MS4A13: variants seen among roughly 807,000 people sequenced by gnomAD.
The protein encoded by MS4A13 is membrane spanning 4-domains A13.
Under a neutral mutation model 18.4 loss-of-function variants are expected in MS4A13, and 21 were observed. That is an observed-to-expected ratio of 1.14 (90% CI 0.81 to 1.64). MS4A13 has a LOEUF of 1.64. Among genes scored for constraint, MS4A13 ranks in the 40% most tolerant of loss-of-function variants. The probability of loss-of-function intolerance (pLI) is 0.00; values close to 1 mark genes in which losing one functional copy is unlikely to be tolerated. For synonymous variants in MS4A13, 62 were observed against 57.2 expected (o/e 1.08, Z -0.38); for missense variants, 173 against 176.8 (o/e 0.98, Z 0.12).
In MS4A13 at chr11:60,542,666, C is replaced by T. The variant is rs966372399; in HGVS notation, c.*91C>T. 3 of 713,396 alleles carry T rather than the reference C, an allele frequency of 4.2e-6. No homozygotes were observed. The highest frequency in any genetic ancestry group is 6.7e-6 in the Non-Finnish European group (3 of 444,780). The allele number at this position is 713,396 out of a possible 1,614,324, so 44.2% of individuals were successfully genotyped here. Reference sequence around the variant, plus strand: ...TATAACAAAGCAGTTACGAAGCCTACAGATTTTGTGCAAAATAAAATACAA... The same window carrying T: ...TATAACAAAGCAGTTACGAAGCCTATAGATTTTGTGCAAAATAAAATACAA... On this transcript the variant is annotated 3_prime_UTR_variant, in exon 7 of 7. Transcript: ENST00000378186.
At chr11:60,538,177 T>TTAAAAAAAAAAAAAAAA (rs60140970) in intron 6 of MS4A13, among the ~76,000 whole-genome samples, 45 of 75,062 alleles carry the variant, frequency 6.0e-4, no homozygotes, top group Non-Finnish European at 6.8e-4. Context: ...TAAAGTATAA[T>TTAAAAAAAAAAAAAAAA]AAAAAAAAAA....
chr11:60,529,583 T>A, intron 6 of MS4A13, 123 bp downstream of exon 6: 1 of 443,576 alleles, frequency 2.3e-6, no homozygotes, highest in Non-Finnish European at 3.9e-6. Flanking sequence ...ATGTGTGATA[T>A]TGCCTTTATT....
chr11:60,527,410 C>CTCTCTCTCTCTCTGTGTGTGTG (rs1555024373), intron 5 of MS4A13, among the ~76,000 whole-genome samples: 1 of 28,806 alleles, frequency 3.5e-5, no homozygotes, highest in African/African-American at 1.6e-4. Flanking sequence ...CTCTCTCTCT[C>CTCTCTCTCTCTCTGTGTGTGTG]TGTGTGTGTG....
At chr11:60,538,177 T>TAAAAAAAAAAA in intron 6 of MS4A13, among the ~76,000 whole-genome samples, 1 of 75,132 alleles carries the variant, frequency 1.3e-5, no homozygotes. Context: ...TAAAGTATAA[T>TAAAAAAAAAAA]AAAAAAAAAA....
At chr11:60,533,268 C>A (rs1490540389) in intron 6 of MS4A13, among the ~76,000 whole-genome samples, 1 of 63,676 alleles carries the variant, frequency 1.6e-5, no homozygotes, top group African/African-American at 5.2e-5. Flanking sequence ...AAGTTGAAAA[C>A]TTCGAAAAAA....
intron 3 of MS4A13, among the ~76,000 whole-genome samples, chr11:60,519,807 T>C (rs1380944605): frequency 6.6e-6 from 1 of 152,114 alleles, no homozygotes; most frequent in Non-Finnish European, 1.5e-5. Context: ...AAGTTAGTGA[T>C]GGAAAGAAGA....
At chr11:60,528,276 C>T (rs1389673203) in intron 5 of MS4A13, among the ~76,000 whole-genome samples, 1 of 152,146 alleles carries the variant, frequency 6.6e-6, no homozygotes, top group Non-Finnish European at 1.5e-5. Context: ...AGGAAACAAG[C>T]AAATAAAAAT....
rs1402742805 is a variant in MS4A13, at chr11:60,522,234, A to ATATATCTATATATC, written c.130-1663_130-1662insTATATCTATATATC. On this transcript the variant is annotated intron_variant, in intron 3 of 6. Coordinates refer to ENST00000378186, the MANE Select transcript of MS4A13 (RefSeq NM_001012417.3). ...TAGATAGATAGATAGATAGATAGAT[A>ATATATCTATATATC]GATAGATGTATATATATAGATATAT... Among the ~76,000 whole-genome samples, 5 of 108,664 alleles carry ATATATCTATATATC rather than the reference A, an allele frequency of 4.6e-5. No homozygotes were observed. The South Asian group carries it at 1.2e-3, about 25-fold the overall frequency. The allele number at this position is 108,664 out of a possible 152,430, so 71.3% of individuals were successfully genotyped here. A position where few individuals can be genotyped will look rare whatever the true frequency, so the allele number is the denominator to read the frequency against.
intron 4 of MS4A13, among the ~76,000 whole-genome samples, chr11:60,524,712 G>C (rs547038464): frequency 6.8e-6 from 1 of 146,964 alleles, no homozygotes. Context: ...ACCCAGGCTG[G>C]AGTGCAGTGG....
chr11:60,541,012 TAATAA>T (rs2086853612), intron 6 of MS4A13, among the ~76,000 whole-genome samples: 1 of 146,948 alleles, frequency 6.8e-6, no homozygotes, highest in Non-Finnish European at 1.5e-5. Flanking sequence ...ATAAAACAAA[TAATAA>T]AATGTCAGAT....
intron 3 of MS4A13, among the ~76,000 whole-genome samples, chr11:60,523,297 A>G (rs2086690189): frequency 6.6e-6 from 1 of 152,226 alleles, no homozygotes; most frequent in African/African-American, 2.4e-5. Flanking sequence ...TGTGCAACCC[A>G]TCTTCAAACA....
intron 6 of MS4A13, among the ~76,000 whole-genome samples, chr11:60,536,975 G>T (rs1474242963): frequency 8.6e-6 from 1 of 116,614 alleles, no homozygotes; most frequent in East Asian, 3.0e-4. Flanking sequence ...CTAGCCATAT[G>T]TAGAAAGCTG....
chr11:60,529,577 G>A (rs933099651), intron 6 of MS4A13, 117 bp downstream of exon 6: 2 of 459,422 alleles, frequency 4.4e-6, no homozygotes, highest in Non-Finnish European at 7.5e-6. Context: ...AATGGAATGT[G>A]TGATATTGCC....
intron 3 of MS4A13, among the ~76,000 whole-genome samples, chr11:60,519,255 G>T (rs1215426785): frequency 1.3e-5 from 2 of 152,166 alleles, no homozygotes; most frequent in African/African-American, 4.8e-5. Flanking sequence ...AGGGGCAAAA[G>T]ATGCTGCTAA....
At chr11:60,523,189 G>T (rs928586294) in intron 3 of MS4A13, among the ~76,000 whole-genome samples, 4 of 152,074 alleles carry the variant, frequency 2.6e-5, no homozygotes, top group East Asian at 1.9e-4. Context: ...TTCAGGTTTG[G>T]GCTTCCTACA....
intron 6 of MS4A13, among the ~76,000 whole-genome samples, chr11:60,540,775 C>T (rs2086850722): frequency 6.6e-6 from 1 of 151,882 alleles, no homozygotes; most frequent in Admixed American, 6.6e-5. Flanking sequence ...GACGAGACCT[C>T]ATCTCTACAA....
intron 6 of MS4A13, among the ~76,000 whole-genome samples, chr11:60,537,921 G>T (rs1273709649): frequency 4.7e-5 from 6 of 127,524 alleles, no homozygotes; most frequent in East Asian, 5.1e-4. Flanking sequence ...GTAAACTATC[G>T]CAAGAACAAA....
chr11:60,523,513 A>G lies in MS4A13; in HGVS notation c.130-384A>G, dbSNP rs1397184769. ...CCACTTTTTCCATATTTGGATATGT[A>G]CATAGTAATCATAAGTAGTGTCATC... On this transcript the variant is annotated intron_variant, in intron 3 of 6. Transcript: ENST00000378186. Among the ~76,000 whole-genome samples the G allele has an allele frequency of 2.6e-5, 4 of 152,348 alleles. No individual in the cohort carries two copies. In the South Asian group the frequency reaches 8.3e-4, roughly 32 times the overall value.
chr11:60,528,102 T>C (rs1340491872), intron 5 of MS4A13, among the ~76,000 whole-genome samples: 1 of 152,250 alleles, frequency 6.6e-6, no homozygotes, highest in Non-Finnish European at 1.5e-5. Flanking sequence ...CAAAATGTTA[T>C]ATTGCTTACA....
Sources: gnomAD v4.1 joint callset for allele counts (sites outside exome capture counted in the v4.1 genomes callset) on GRCh38, gnomAD v4.1.1 for gene constraint, MANE v1.5 for transcripts, NCBI Gene and HGNC (gene_info 2026-07-23, HGNC 2026-07-21) for gene names.